Variants in BORCS5 observed in about 807,000 individuals in gnomAD.
The protein encoded by BORCS5 is BLOC-1 related complex subunit 5.
BORCS5 carries 17 observed loss-of-function variants against 22.1 expected under a neutral mutation model. That is an observed-to-expected ratio of 0.77 (90% CI 0.53 to 1.15). The LOEUF (loss-of-function observed/expected upper bound fraction) is 1.15, where lower values mean the gene tolerates loss of function less well. Among genes scored for constraint, BORCS5 ranks in the 50% most tolerant of loss-of-function variants. BORCS5 has a pLI of 0.00. For synonymous variants in BORCS5, 117 were observed against 99.8 expected (o/e 1.17, Z -1.03); for missense variants, 247 against 253.2 (o/e 0.98, Z 0.17).
intron 2 of BORCS5, among the ~76,000 whole-genome samples, chr12:12,367,653 G>T (rs1011045681): frequency 6.6e-6 from 1 of 152,154 alleles, no homozygotes; most frequent in African/African-American, 2.4e-5. Flanking sequence ...CCAGGTGAAT[G>T]GTTGCTTTCA....
chr12:12,387,144 A>G (rs1863900871), intron 2 of BORCS5, among the ~76,000 whole-genome samples: 1 of 151,460 alleles, frequency 6.6e-6, no homozygotes, highest in African/African-American at 2.4e-5. Context: ...TTGGGATTGC[A>G]GGTTTGAGCT....
chr12:12,406,250 G>A (rs987431224), intron 2 of BORCS5, among the ~76,000 whole-genome samples: 1 of 152,156 alleles, frequency 6.6e-6, no homozygotes, highest in Non-Finnish European at 1.5e-5. Flanking sequence ...TCTTTTAATT[G>A]GATATAAACT....
chr12:12,417,493 A>G (rs1002048716), intron 2 of BORCS5, among the ~76,000 whole-genome samples: 13 of 152,122 alleles, frequency 8.5e-5, no homozygotes, highest in Admixed American at 8.5e-4. Context: ...TGTGTGTTCA[A>G]GTCCTCTACT....
chr12:12,375,800 G>GT lies in BORCS5; in HGVS notation c.202+14459dup, dbSNP rs201115973. Reference sequence around the variant, plus strand: ...TCATCAGCAAAAGTTAGTAATCATGGTTTTTTTTGTTTGTTGTTGTTGTTG... The same window carrying GT: ...TCATCAGCAAAAGTTAGTAATCATGGTTTTTTTTTGTTTGTTGTTGTTGTTG... On this transcript the variant is annotated intron_variant, in intron 2 of 3. Coordinates refer to ENST00000314565, the MANE Select transcript of BORCS5 (RefSeq NM_058169.6). 8.4e-3 allele frequency among the ~76,000 whole-genome samples: 1,261 copies of GT among 150,950 alleles called. 22 individuals are homozygous for GT. The highest frequency in any genetic ancestry group is 0.029 in the African/African-American group (1,185 of 40,492).
At chr12:12,459,409 C>G (rs1466014095) in intron 3 of BORCS5, among the ~76,000 whole-genome samples, 1 of 150,092 alleles carries the variant, frequency 6.7e-6, no homozygotes, top group South Asian at 2.1e-4. Flanking sequence ...CTTCCAGGTT[C>G]AAGTGATTCT....
At chr12:12,406,839 C>T (rs1183917667) in intron 2 of BORCS5, among the ~76,000 whole-genome samples, 1 of 151,810 alleles carries the variant, frequency 6.6e-6, no homozygotes, top group Non-Finnish European at 1.5e-5. Flanking sequence ...CTCCTTAAAG[C>T]AAGCTCTTTT....
At chr12:12,462,602 G>A (rs1239312033) in intron 3 of BORCS5, among the ~76,000 whole-genome samples, 1 of 152,190 alleles carries the variant, frequency 6.6e-6, no homozygotes, top group Non-Finnish European at 1.5e-5. Flanking sequence ...CTTCGTGGTT[G>A]CCCTTTAGCT....
intron 2 of BORCS5, among the ~76,000 whole-genome samples, chr12:12,400,315 A>G (rs1050059824): frequency 1.3e-5 from 2 of 152,272 alleles, no homozygotes; most frequent in South Asian, 2.1e-4. Flanking sequence ...TGGCCTTGGT[A>G]ACTCTTAGCA....
intron 2 of BORCS5, among the ~76,000 whole-genome samples, chr12:12,384,325 A>G (rs927479530): frequency 1.3e-5 from 2 of 150,412 alleles, no homozygotes; most frequent in African/African-American, 4.9e-5. Flanking sequence ...CTTATAGGGA[A>G]TCTGAATTTG....
chr12:12,374,960 A>G (rs1565840040), intron 2 of BORCS5, among the ~76,000 whole-genome samples: 1 of 152,028 alleles, frequency 6.6e-6, no homozygotes, highest in Non-Finnish European at 1.5e-5. Flanking sequence ...CTCAAAAAAA[A>G]AAAAAAAAAT....
intron 2 of BORCS5, among the ~76,000 whole-genome samples, chr12:12,361,969 A>G (rs950304622): frequency 3.3e-5 from 5 of 152,210 alleles, no homozygotes; most frequent in Admixed American, 1.3e-4. Flanking sequence ...TCTATTAAGT[A>G]GTGGAGATTA....
At chr12:12,425,066 C>G (rs943425469) in intron 2 of BORCS5, among the ~76,000 whole-genome samples, 4 of 152,142 alleles carry the variant, frequency 2.6e-5, no homozygotes, top group African/African-American at 9.7e-5. Flanking sequence ...CAACATTGAT[C>G]AGAGCATAGA....
chr12:12,423,595 T>G (rs1482176618), intron 2 of BORCS5, among the ~76,000 whole-genome samples: 1 of 151,902 alleles, frequency 6.6e-6, no homozygotes, highest in East Asian at 1.9e-4. Flanking sequence ...TATGGCCCCC[T>G]AGGTTTCTGA....
chr12:12,357,261 G>C lies in BORCS5; in HGVS notation c.-191G>C, dbSNP rs1415232578. On this transcript the variant is annotated 5_prime_UTR_variant, in exon 1 of 4. Coordinates refer to ENST00000314565, the MANE Select transcript of BORCS5 (RefSeq NM_058169.6). ...TCCTTGCGTTTCTGTTCCCCAAATA[G>C]GGCCTCTCCTTCTCCCGCCGCCCAG... is the stretch of plus-strand genomic sequence containing the variant. 9 of 1,462,060 alleles carry C rather than the reference G, an allele frequency of 6.2e-6. No individual in the cohort carries two copies. Among genetic ancestry groups the C allele is most frequent in the Non-Finnish European group, 8.1e-6 (9 of 1,109,316 alleles). 90.6% of individuals were successfully genotyped at this position (1,462,060 alleles called of 1,614,324 possible).
chr12:12,464,379 G>A (rs1261942787), intron 3 of BORCS5, among the ~76,000 whole-genome samples: 1 of 152,156 alleles, frequency 6.6e-6, no homozygotes, highest in Non-Finnish European at 1.5e-5. Context: ...TTTTCTTGGG[G>A]CTGGCTTTGG....
chr12:12,407,794 C>G (rs1941627514), intron 2 of BORCS5, among the ~76,000 whole-genome samples: 1 of 151,466 alleles, frequency 6.6e-6, no homozygotes, highest in African/African-American at 2.4e-5. Flanking sequence ...CGACCTCCCT[C>G]TACCTTACAG....
At chr12:12,395,527 TCCA>T (rs1477525479) in intron 2 of BORCS5, among the ~76,000 whole-genome samples, 2 of 149,168 alleles carry the variant, frequency 1.3e-5, no homozygotes, top group African/African-American at 5.0e-5. Flanking sequence ...CCTCAAGTGA[TCCA>T]CCTGCCTTGG....
intron 2 of BORCS5, among the ~76,000 whole-genome samples, chr12:12,383,260 T>G (rs1342356843): frequency 2.6e-5 from 4 of 151,360 alleles, no homozygotes; most frequent in Non-Finnish European, 5.9e-5. Flanking sequence ...ATATATATGC[T>G]TTGCTCCATT....
chr12:12,369,054 T>C (rs1416027722), intron 2 of BORCS5, among the ~76,000 whole-genome samples: 1 of 152,190 alleles, frequency 6.6e-6, no homozygotes, highest in Non-Finnish European at 1.5e-5. Context: ...TATCCAGCTA[T>C]TTTTGTTAAT....
Sources: allele counts gnomAD v4.1 joint callset (sites outside exome capture counted in the v4.1 genomes callset), GRCh38; gene constraint gnomAD v4.1.1; transcripts MANE v1.5; gene names NCBI Gene and HGNC (gene_info 2026-07-23, HGNC 2026-07-21).